Variants in ADAM12 observed in about 807,000 individuals in gnomAD.
ADAM12 encodes disintegrin and metalloproteinase domain-containing protein 12.
Under a neutral mutation model 106.4 loss-of-function variants are expected in ADAM12, and 70 were observed. That is an observed-to-expected ratio of 0.66 (90% CI 0.54 to 0.80). The LOEUF is 0.80. ADAM12 is among the 30% of genes least tolerant of loss of function. The pLI is 0.00. For synonymous variants in ADAM12, 420 were observed against 433.5 expected (o/e 0.97, Z 0.39); for missense variants, 1,010 against 1,171.9 (o/e 0.86, Z 2.02).
At chr10:126,154,086 T>C (rs1398876344) in intron 4 of ADAM12, among the ~76,000 whole-genome samples, 1 of 152,192 alleles carries the variant, frequency 6.6e-6, no homozygotes, top group Non-Finnish European at 1.5e-5. Flanking sequence ...TTTTGTGGGA[T>C]TCTCAGTTGC....
chr10:126,218,627 G>T (rs573480388), intron 3 of ADAM12, among the ~76,000 whole-genome samples: 5 of 152,326 alleles, frequency 3.3e-5, no homozygotes, highest in Admixed American at 2.6e-4. Context: ...GAGCACAAAG[G>T]TGCTGGGCAA....
chr10:126,156,479 T>C (rs1263758527), intron 3 of ADAM12, among the ~76,000 whole-genome samples: 1 of 152,160 alleles, frequency 6.6e-6, no homozygotes, highest in Non-Finnish European at 1.5e-5. Flanking sequence ...TCCCAGAAAA[T>C]TCTGTAACGG....
At position 126,013,012 on chromosome 10, in the gene ADAM12, G is replaced by T. The variant is rs1953596384; in HGVS notation, c.*4267C>A. On this transcript the variant is annotated 3_prime_UTR_variant, in exon 23 of 23. Transcript: ENST00000448723. The surrounding 1 kb of genome is among the most constrained non-coding windows in gnomAD (Gnocchi z 4.3). ...GAAGATGATGTGGAAGGTCAGGGTG[G>T]GTTACAGGGCATTCAACCTGGAAGA... is the stretch of plus-strand genomic sequence containing the variant. 6.6e-6 allele frequency: 1 copy of T among 152,132 alleles called. No homozygotes were observed. The highest frequency in any genetic ancestry group is 2.4e-5 in the African/African-American group (1 of 41,404). The allele number at this position is 152,132 out of a possible 1,614,324, so 9.4% of individuals were successfully genotyped here.
intron 18 of ADAM12, among the ~76,000 whole-genome samples, chr10:126,040,653 T>C (rs7099772): frequency 0.64 from 97,164 of 152,028 alleles, 31,524 homozygotes; most frequent in East Asian, 0.77. Flanking sequence ...AGACCCTTAG[T>C]AGTGATCACA....
intron 3 of ADAM12, among the ~76,000 whole-genome samples, chr10:126,236,963 C>T (rs1385370168): frequency 6.6e-6 from 1 of 152,148 alleles, no homozygotes; most frequent in Admixed American, 6.5e-5. Flanking sequence ...ACAGAGCTGA[C>T]CAGAAGCCTC....
intron 4 of ADAM12, 30 bp from the exon 5 acceptor site, chr10:126,135,690 C>T: frequency 1.9e-6 from 3 of 1,590,022 alleles, no homozygotes; most frequent in Non-Finnish European, 2.6e-6. Flanking sequence ...AATCCCATTT[C>T]AGTTATAACA....
intron 1 of ADAM12, among the ~76,000 whole-genome samples, chr10:126,356,905 T>C (rs1012391946): frequency 2.0e-5 from 3 of 152,060 alleles, no homozygotes; most frequent in African/African-American, 7.2e-5. Flanking sequence ...AAGCAGATAA[T>C]TTAAAATTAT....
intron 3 of ADAM12, among the ~76,000 whole-genome samples, chr10:126,209,560 G>A (rs147314211): frequency 7.9e-5 from 12 of 152,242 alleles, no homozygotes; most frequent in African/African-American, 2.4e-4. Context: ...CTTTGCTGGC[G>A]ACAAACACAG....
At chr10:126,126,964 G>A (rs938502853) in intron 5 of ADAM12, among the ~76,000 whole-genome samples, 5 of 152,258 alleles carry the variant, frequency 3.3e-5, no homozygotes, top group African/African-American at 1.2e-4. Flanking sequence ...GTGGGGCCTG[G>A]GGAGAGCTGA....
chr10:126,330,009 A>C (rs755147008), intron 2 of ADAM12, among the ~76,000 whole-genome samples: 1 of 152,252 alleles, frequency 6.6e-6, no homozygotes, highest in Admixed American at 6.5e-5. Context: ...TTTAGATTGC[A>C]TTAAAACTCA....
At position 126,066,787 on chromosome 10, in the gene ADAM12, C is replaced by G; in HGVS notation, c.1343G>C (p.Cys448Ser). The change falls in exon 13 of 23, where the codon TGC (cysteine) becomes TCC (serine). Residue 448 changes from cysteine to serine, a missense_variant. Around this residue, in one of 3 missense-constraint regions of ADAM12, gnomAD observed 615 missense variants for 708.5 expected, o/e 0.87. Coordinates refer to ENST00000448723, the MANE Select transcript of ADAM12 (RefSeq NM_001288973.2). This position sits in a 1 kb window ranked among gnomAD's most constrained non-coding sequence, Gnocchi z 5.1. ...CTTCAGGGTACAGGTGGTGGCATTG[C>G]AGCAGCGATTCATACATTCCTGGAA... ...GEPEECMNRC[C>S]NATTCTLKPD... 1.9e-6 allele frequency: 3 copies of G among 1,614,132 alleles called. No homozygotes were observed. The highest frequency in any genetic ancestry group is 1.1e-5 in the South Asian group (1 of 91,082).
intron 5 of ADAM12, among the ~76,000 whole-genome samples, chr10:126,133,145 A>T (rs1404660845): frequency 2.0e-5 from 3 of 152,100 alleles, no homozygotes; most frequent in Admixed American, 6.6e-5. Flanking sequence ...GCAGCCTCTC[A>T]GGATGATACT....
chr10:126,235,218 AC>A (rs1443026068), intron 3 of ADAM12, among the ~76,000 whole-genome samples: 2 of 152,054 alleles, frequency 1.3e-5, no homozygotes, highest in Non-Finnish European at 2.9e-5. Context: ...TCAGGAAGCC[AC>A]CCCCCAGGGA....
chr10:126,071,367 C>G, intron 12 of ADAM12, 110 bp downstream of exon 12: 2 of 1,356,132 alleles, frequency 1.5e-6, no homozygotes, highest in Non-Finnish European at 2.0e-6. Flanking sequence ...ACTCTTCCTT[C>G]CTGAGTTCTA....
At chr10:126,357,214 T>C (rs1241377188) in intron 1 of ADAM12, among the ~76,000 whole-genome samples, 1 of 151,916 alleles carries the variant, frequency 6.6e-6, no homozygotes, top group Non-Finnish European at 1.5e-5. Flanking sequence ...CAGCAAAAGA[T>C]AAAAAATACT....
chr10:126,375,341 A>G (rs1856250753), intron 1 of ADAM12, among the ~76,000 whole-genome samples: 2 of 152,126 alleles, frequency 1.3e-5, no homozygotes, highest in African/African-American at 4.8e-5. Flanking sequence ...TGGACTGCTC[A>G]GCACAGAACA....
intron 5 of ADAM12, among the ~76,000 whole-genome samples, chr10:126,128,713 G>A (rs1378701286): frequency 6.7e-6 from 1 of 148,692 alleles, no homozygotes; most frequent in Non-Finnish European, 1.5e-5. Context: ...TGTGCAAGTG[G>A]GCGCCTGTGC....
chr10:126,129,716 C>T (rs1357348706), intron 5 of ADAM12, among the ~76,000 whole-genome samples: 2 of 152,168 alleles, frequency 1.3e-5, no homozygotes, highest in African/African-American at 4.8e-5. Context: ...CGTATGGCCT[C>T]AACTTCACAT....
In ADAM12 at chr10:126,146,199, C is replaced by T. The variant is rs890718776; in HGVS notation, c.339+9028G>A. On this transcript the variant is annotated intron_variant, in intron 4 of 22. Coordinates refer to ENST00000448723, the MANE Select transcript of ADAM12 (RefSeq NM_001288973.2). ...TGTGCTGTGGAGGTAGGAGTCACCA[C>T]GGGACTTGGGTGAAGACCCAAGGGA... Among the ~76,000 whole-genome samples the T allele has an allele frequency of 4.6e-5, 7 of 152,192 alleles. No individual in the cohort carries two copies. The South Asian group carries it at 8.3e-4, about 18-fold the overall frequency.
Sources: allele counts gnomAD v4.1 joint callset (sites outside exome capture counted in the v4.1 genomes callset), GRCh38; gene constraint gnomAD v4.1.1; regional missense constraint gnomAD v4.1.1; non-coding constraint Gnocchi (gnomAD v3.1); transcripts MANE v1.5; gene names NCBI Gene and HGNC (gene_info 2026-07-23, HGNC 2026-07-21).